CFAP20DC: variants seen among roughly 807,000 people sequenced by gnomAD.
The protein encoded by CFAP20DC is protein CFAP20DC.
CFAP20DC carries 84 observed loss-of-function variants against 101.7 expected under a neutral mutation model. The observed-to-expected ratio is 0.83, with a 90% CI of 0.69 to 0.99. The LOEUF is 0.99. Ranked by LOEUF, CFAP20DC falls within the 50% of genes least tolerant of loss-of-function variation. CFAP20DC has a pLI of 0.00. For missense variants in CFAP20DC, 1,007 were observed against 970.3 expected (o/e 1.04, Z -0.50); for synonymous variants, 359 against 351.2 (o/e 1.02, Z -0.25).
intron 12 of CFAP20DC, 37 bp from the exon 13 acceptor site, chr3:58,849,446 G>T: frequency 6.9e-7 from 1 of 1,450,720 alleles, no homozygotes; most frequent in Non-Finnish European, 9.1e-7. Context: ...ATTTTGAGCA[G>T]AAATTTGTGG....
chr3:58,881,863 G>A (rs957195586), intron 7 of CFAP20DC, among the ~76,000 whole-genome samples: 1 of 152,102 alleles, frequency 6.6e-6, no homozygotes, highest in Admixed American at 6.5e-5. Context: ...TAAAAAGCCT[G>A]TCCTTGGGCA....
At chr3:58,947,322 T>C (rs899784411) in intron 4 of CFAP20DC, among the ~76,000 whole-genome samples, 3 of 152,190 alleles carry the variant, frequency 2.0e-5, no homozygotes, top group African/African-American at 7.2e-5. Context: ...AAGTTATTAA[T>C]GGAAAGCCTT....
intron 4 of CFAP20DC, among the ~76,000 whole-genome samples, chr3:58,941,718 G>A (rs566258527): frequency 1.0e-3 from 154 of 152,054 alleles, no homozygotes; most frequent in African/African-American, 3.4e-3. Context: ...ACAGGCGCCC[G>A]CCACTGCCCT....
chr3:59,003,005 T>C (rs1464453532), intron 4 of CFAP20DC, among the ~76,000 whole-genome samples: 2 of 152,192 alleles, frequency 1.3e-5, no homozygotes, highest in African/African-American at 2.4e-5. Context: ...CCTACAGTTA[T>C]ATGATGAATC....
chr3:58,835,658 G>C (rs1015730597), intron 13 of CFAP20DC, among the ~76,000 whole-genome samples: 3 of 152,136 alleles, frequency 2.0e-5, no homozygotes, highest in African/African-American at 7.2e-5. Flanking sequence ...ATCCAGCAGA[G>C]AGAAGAAAGC....
At chr3:58,791,678 A>C (rs1460541295) in intron 15 of CFAP20DC, among the ~76,000 whole-genome samples, 2 of 152,182 alleles carry the variant, frequency 1.3e-5, no homozygotes, top group Non-Finnish European at 2.9e-5. Context: ...CTCAAATCTC[A>C]GTGACTTAAA....
At chr3:58,929,612 C>T (rs2086364003) in intron 5 of CFAP20DC, among the ~76,000 whole-genome samples, 1 of 152,180 alleles carries the variant, frequency 6.6e-6, no homozygotes, top group Non-Finnish European at 1.5e-5. Flanking sequence ...TTTAAAACTT[C>T]TACTGCAAAC....
intron 7 of CFAP20DC, among the ~76,000 whole-genome samples, chr3:58,881,181 C>A (rs2108625398): frequency 6.6e-6 from 1 of 152,210 alleles, no homozygotes; most frequent in South Asian, 2.1e-4. Context: ...GTGCTAGGAG[C>A]TAGGGATGTC....
At position 58,742,110 on chromosome 3, in the gene CFAP20DC, A is replaced by T; in HGVS notation, c.*350T>A. 2.1e-6 allele frequency: 2 copies of T among 956,976 alleles called. No individual in the cohort carries two copies. The highest frequency in any genetic ancestry group is 9.7e-5 in the South Asian group (2 of 20,634). The allele number at this position is 956,976 out of a possible 1,614,324, so 59.3% of individuals were successfully genotyped here. ...TACATTTTCTGTACATCAAGCCATC[A>T]TTTACAGATTAACACTGCAAAAAAT... On this transcript the variant is annotated 3_prime_UTR_variant, in exon 17 of 17. Transcript: ENST00000482387.
intron 14 of CFAP20DC, among the ~76,000 whole-genome samples, chr3:58,806,872 G>T (rs528642389): frequency 6.6e-6 from 1 of 152,260 alleles, no homozygotes; most frequent in East Asian, 1.9e-4. Context: ...CCCTAATACT[G>T]CACTTTTCCA....
intron 4 of CFAP20DC, among the ~76,000 whole-genome samples, chr3:58,979,801 G>C (rs772525370): frequency 6.7e-6 from 1 of 150,208 alleles, no homozygotes; most frequent in South Asian, 2.1e-4. Flanking sequence ...TTAATGTTTT[G>C]TCCTTGTTTC....
At chr3:59,045,413 C>A (rs1699772186) in intron 3 of CFAP20DC, among the ~76,000 whole-genome samples, 1 of 151,922 alleles carries the variant, frequency 6.6e-6, no homozygotes, top group Admixed American at 6.6e-5. Context: ...TTTGCTAAAT[C>A]ACCTGAAATT....
At chr3:58,982,892 C>T (rs1174370138) in intron 4 of CFAP20DC, among the ~76,000 whole-genome samples, 1 of 151,980 alleles carries the variant, frequency 6.6e-6, no homozygotes, top group Non-Finnish European at 1.5e-5. Context: ...AATCAATTCA[C>T]ACAGGAGGAG....
At chr3:58,734,650 C>T in intron 3 of CFAP20DC, 7 of 447,284 alleles carry the variant, frequency 1.6e-5, no homozygotes, top group South Asian at 1.1e-4. Flanking sequence ...GGGCAGGTGC[C>T]TATGGTCCCC....
chr3:58,842,465 A>G (rs553374879), intron 13 of CFAP20DC, among the ~76,000 whole-genome samples: 3 of 152,158 alleles, frequency 2.0e-5, no homozygotes, highest in East Asian at 1.9e-4. Flanking sequence ...ACCGGCTTAA[A>G]AAACGGCGCA....
At position 58,880,371 on chromosome 3, in the gene CFAP20DC, C is replaced by T. The variant is rs564183369; in HGVS notation, c.715+4174G>A. Among the ~76,000 whole-genome samples the T allele has an allele frequency of 7.2e-5, 11 of 152,246 alleles. No individual in the cohort carries two copies. The East Asian group carries it at 1.7e-3, about 24-fold the overall frequency. On this transcript the variant is annotated intron_variant, in intron 7 of 16. Transcript: ENST00000482387. ...GACTGACACAGCTTTGAGACCTTTC[C>T]AGGCCATCACAGGCAGAGCAGGTCA...
intron 4 of CFAP20DC, among the ~76,000 whole-genome samples, chr3:59,027,039 G>A (rs541929604): frequency 6.6e-6 from 1 of 152,238 alleles, no homozygotes; most frequent in African/African-American, 2.4e-5. Flanking sequence ...CATTTACTGT[G>A]AGGAAACGGA....
chr3:58,879,368 G>T (rs2081046316), intron 7 of CFAP20DC, among the ~76,000 whole-genome samples: 1 of 152,168 alleles, frequency 6.6e-6, no homozygotes, highest in African/African-American at 2.4e-5. Flanking sequence ...ACATAAAAGG[G>T]TGTGAAAGAG....
rs887346388 is a variant in CFAP20DC at position 58,952,942 on chromosome 3, GA to G, written c.279-15181del. 9.9e-5 allele frequency among the ~76,000 whole-genome samples: 15 copies of G among 151,902 alleles called. 1 individual carries two copies. The highest frequency in any genetic ancestry group is 2.1e-4 in the Non-Finnish European group (14 of 67,946). ...ACGTAGATACTGGGGATTTCACAGT[GA>G]AAAAAACAAGGTCTCCAGCTTGTTC... On this transcript the variant is annotated intron_variant, in intron 4 of 16. Transcript: ENST00000482387.
Sources: allele counts gnomAD v4.1 joint callset (sites outside exome capture counted in the v4.1 genomes callset), GRCh38; gene constraint gnomAD v4.1.1; transcripts MANE v1.5; gene names NCBI Gene and HGNC (gene_info 2026-07-23, HGNC 2026-07-21).